ABCC5: variants seen among roughly 807,000 people sequenced by gnomAD.
ABCC5 encodes ATP-binding cassette sub-family C member 5.
ABCC5 carries 61 observed loss-of-function variants against 160.9 expected under a neutral mutation model. The observed-to-expected ratio is 0.38, with a 90% CI of 0.31 to 0.47. The LOEUF is 0.47. Among genes scored for constraint, ABCC5 ranks in the 20% least tolerant of loss-of-function variants. The probability of loss-of-function intolerance (pLI) is 0.99; values close to 1 mark genes in which losing one functional copy is unlikely to be tolerated. For synonymous variants in ABCC5, 666 were observed against 700.6 expected (o/e 0.95, Z 0.78); for missense variants, 1,308 against 1,813.3 (o/e 0.72, Z 5.06).
intron 10 of ABCC5, among the ~76,000 whole-genome samples, chr3:183,974,713 C>T (rs1027858195): frequency 1.3e-5 from 2 of 152,196 alleles, no homozygotes; most frequent in Non-Finnish European, 1.5e-5. Context: ...TAGAGCAAGC[C>T]ACCCTATTCC....
chr3:183,952,445 C>G (rs1044445646), intron 18 of ABCC5, among the ~76,000 whole-genome samples: 1 of 152,150 alleles, frequency 6.6e-6, no homozygotes, highest in East Asian at 1.9e-4. Flanking sequence ...CCACACCTAG[C>G]CCTCTTTCTC....
chr3:183,980,995 G>A lies in ABCC5; in HGVS notation c.1147+732C>T, dbSNP rs140410320. 2.8e-3 allele frequency among the ~76,000 whole-genome samples: 420 copies of A among 152,254 alleles called. 4 individuals carry two copies. The highest frequency in any genetic ancestry group is 9.1e-3 in the African/African-American group (380 of 41,544). On this transcript the variant is annotated intron_variant, in intron 8 of 29. Transcript: ENST00000334444. Reference sequence around the variant, plus strand: ...CCCAAACTGCTGGGATTACAGGCGTGAGCCACTGGCGCCTGGCCTGAACAC... The same window carrying A: ...CCCAAACTGCTGGGATTACAGGCGTAAGCCACTGGCGCCTGGCCTGAACAC...
intron 5 of ABCC5, chr3:183,984,571 C>T: frequency 7.5e-7 from 1 of 1,331,160 alleles, no homozygotes; most frequent in Non-Finnish European, 9.6e-7. Context: ...AGGAGATCCC[C>T]ACCAATCAGA....
At chr3:183,946,430 C>A (rs1451718301) in intron 23 of ABCC5, among the ~76,000 whole-genome samples, 1 of 152,170 alleles carries the variant, frequency 6.6e-6, no homozygotes, top group Non-Finnish European at 1.5e-5. Flanking sequence ...TCTTCCCCAA[C>A]CAGTTGTCAA....
chr3:183,958,804 T>G (rs1478978119), intron 17 of ABCC5, among the ~76,000 whole-genome samples: 1 of 152,030 alleles, frequency 6.6e-6, no homozygotes. Context: ...CGTGCCATGT[T>G]GCCCAGGCTG....
intron 25 of ABCC5, 170 bp downstream of exon 25, chr3:183,942,557 C>CA (rs1252180465): frequency 1.2e-6 from 1 of 813,832 alleles, no homozygotes; most frequent in Non-Finnish European, 2.0e-6. Context: ...GAAAAGCACT[C>CA]AATGTCATCA....
rs755715676 is a variant in ABCC5 at position 183,978,670 on chromosome 3, C to A, written c.1148-19G>T. ...CGGATTTCTATGAATAAAAAGCAAGCCAATTTCAAAGCAAGTTAAAAGAAG... is the reference window on the plus strand; with the variant it reads ...CGGATTTCTATGAATAAAAAGCAAGACAATTTCAAAGCAAGTTAAAAGAAG... On this transcript the variant is annotated intron_variant, in intron 8 of 29. Transcript: ENST00000334444. The A allele has an allele frequency of 1.2e-6, 2 of 1,610,098 alleles. No homozygotes were observed. Among genetic ancestry groups the A allele is most frequent in the African/African-American group, 1.3e-5 (1 of 74,810 alleles).
At chr3:183,983,963 T>C (rs897502247) in intron 5 of ABCC5, 1 of 985,390 alleles carries the variant, frequency 1.0e-6, no homozygotes. Flanking sequence ...ATAGAACCCA[T>C]ATCTGTTTCC....
intron 29 of ABCC5, among the ~76,000 whole-genome samples, chr3:183,924,889 C>T (rs1331004027): frequency 6.6e-6 from 1 of 152,136 alleles, no homozygotes; most frequent in Non-Finnish European, 1.5e-5. Flanking sequence ...AGGTTGAGAG[C>T]AGGTGGATAT....
chr3:183,971,429 C>G (rs1246300382), intron 11 of ABCC5, 134 bp downstream of exon 11: 6 of 730,304 alleles, frequency 8.2e-6, no homozygotes, highest in Non-Finnish European at 6.7e-6. Flanking sequence ...TAGAGCTGGT[C>G]TAATTTGCTC....
chr3:183,981,974 C>A, intron 7 of ABCC5, 100 bp from the exon 8 acceptor site: 2 of 1,387,140 alleles, frequency 1.4e-6, no homozygotes, highest in East Asian at 2.5e-5. Flanking sequence ...GCATATAATC[C>A]TGCTTGCTAG....
At chr3:183,997,558 G>A (rs1228682296) in intron 2 of ABCC5, among the ~76,000 whole-genome samples, 1 of 152,048 alleles carries the variant, frequency 6.6e-6, no homozygotes, top group Non-Finnish European at 1.5e-5. Context: ...ACAGCCCAAT[G>A]CTTCTGGTAA....
Position 183,921,621 on chromosome 3 carries a change from G to A in ABCC5, c.4213-220C>T, listed in dbSNP as rs778418262. Among the ~76,000 whole-genome samples the A allele has an allele frequency of 6.7e-6, 1 of 149,614 alleles. No individual in the cohort carries two copies. Among genetic ancestry groups the A allele is most frequent in the Non-Finnish European group, 1.5e-5 (1 of 67,570 alleles). On this transcript the variant is annotated intron_variant, in intron 29 of 29. Coordinates refer to ENST00000334444, the MANE Select transcript of ABCC5 (RefSeq NM_005688.4). The surrounding 1 kb of genome is among the most constrained non-coding windows in gnomAD (Gnocchi z 4.1). ...ACTTCCAGCATTTTTGTAGTATGTG[G>A]TTTTGCCTAATAAAGTAGTATCATA...
intron 10 of ABCC5, among the ~76,000 whole-genome samples, chr3:183,976,254 CA>C (rs576402352): frequency 2.7e-5 from 4 of 149,458 alleles, no homozygotes; most frequent in East Asian, 2.0e-4. Context: ...CAAACAACAA[CA>C]AAAAAAAACA....
intron 2 of ABCC5, among the ~76,000 whole-genome samples, chr3:184,012,775 T>C (rs1441790139): frequency 6.6e-6 from 1 of 152,196 alleles, no homozygotes; most frequent in Admixed American, 6.5e-5. Flanking sequence ...TTGACACTGA[T>C]TACATTAAGC....
intron 22 of ABCC5, among the ~76,000 whole-genome samples, chr3:183,948,351 A>G (rs1333985264): frequency 6.6e-6 from 1 of 152,162 alleles, no homozygotes; most frequent in Non-Finnish European, 1.5e-5. Flanking sequence ...ATTTCCTCCC[A>G]GCAGTTTTTT....
intron 2 of ABCC5, among the ~76,000 whole-genome samples, chr3:184,006,808 A>C (rs1721249474): frequency 6.6e-6 from 1 of 152,146 alleles, no homozygotes; most frequent in Non-Finnish European, 1.5e-5. Context: ...AACCAAGATT[A>C]AAGGGTCAGC....
At chr3:183,924,659 G>A (rs1712346258) in intron 29 of ABCC5, among the ~76,000 whole-genome samples, 1 of 152,172 alleles carries the variant, frequency 6.6e-6, no homozygotes, top group South Asian at 2.1e-4. Context: ...AAGAACTGTA[G>A]TACTAAGCAC....
At position 183,987,986 on chromosome 3, in the gene ABCC5, C is replaced by T. The variant is rs566972528; in HGVS notation, c.444-69G>A. 1.1e-5 allele frequency: 17 copies of T among 1,564,304 alleles called. No individual in the cohort carries two copies. The East Asian group carries it at 3.6e-4, about 33-fold the overall frequency. ...AAGGCACACCTAGCTCCCCGCCTGCCACCACTTTTTGTCTCCAGGTTTTGC... is the reference window on the plus strand; with the variant it reads ...AAGGCACACCTAGCTCCCCGCCTGCTACCACTTTTTGTCTCCAGGTTTTGC... On this transcript the variant is annotated intron_variant, in intron 4 of 29. Transcript: ENST00000334444. The surrounding 1 kb of genome is among the most constrained non-coding windows in gnomAD (Gnocchi z 4.2).
Sources: gnomAD v4.1 joint callset for allele counts (sites outside exome capture counted in the v4.1 genomes callset) on GRCh38, gnomAD v4.1.1 for gene constraint, Gnocchi (gnomAD v3.1) non-coding constraint, MANE v1.5 for transcripts, NCBI Gene and HGNC (gene_info 2026-07-23, HGNC 2026-07-21) for gene names.